Variants in THAP8 observed in about 807,000 individuals in gnomAD.
The protein encoded by THAP8 is THAP domain containing 8, also known as THAP domain-containing protein 8.
A neutral mutation model predicts 25.0 loss-of-function variants in THAP8; 24 were observed. The ratio of observed to expected loss-of-function variants is 0.96; its 90% CI spans 0.69 to 1.35. The LOEUF is 1.35. Ranked by LOEUF, THAP8 falls within the 40% of genes most tolerant of loss-of-function variation. The pLI is 0.00. For synonymous variants in THAP8, 169 were observed against 157.6 expected (o/e 1.07, Z -0.54); for missense variants, 399 against 368.8 (o/e 1.08, Z -0.67).
intron 3 of THAP8, among the ~76,000 whole-genome samples, chr19:36,038,816 A>G (rs1332065699): frequency 6.7e-6 from 1 of 150,062 alleles, no homozygotes; most frequent in Non-Finnish European, 1.5e-5. Flanking sequence ...GCACTACTGC[A>G]CTCCAGCCTG....
chr19:36,050,180 C>T lies in THAP8; in HGVS notation c.83+3955G>A, dbSNP rs114230534. Among the ~76,000 whole-genome samples the T allele has an allele frequency of 6.5e-3, 987 of 152,222 alleles. 6 individuals carry two copies. The highest frequency in any genetic ancestry group is 0.022 in the African/African-American group (922 of 41,514). ...ATTTATTTTGAGACAAGGTCTCACA[C>T]GGTTGCCCAGGCTAGAGTACAGTGG... On this transcript the variant is annotated intron_variant, in intron 1 of 3. Transcript: ENST00000292894.
chr19:36,041,016 G>T (rs1028612848), intron 1 of THAP8, among the ~76,000 whole-genome samples: 1 of 151,956 alleles, frequency 6.6e-6, no homozygotes, highest in Non-Finnish European at 1.5e-5. Context: ...TAAGATAATT[G>T]TAAGAAACTG....
intron 1 of THAP8, among the ~76,000 whole-genome samples, chr19:36,042,719 G>A (rs1416937552): frequency 6.6e-6 from 1 of 152,182 alleles, no homozygotes; most frequent in East Asian, 1.9e-4. Flanking sequence ...ACATGGATAA[G>A]AAAAATGCTG....
At chr19:36,040,285 T>C (rs1432595902) in intron 1 of THAP8, 149 bp from the exon 2 acceptor site, 2 of 744,026 alleles carry the variant, frequency 2.7e-6, no homozygotes, top group East Asian at 5.7e-5. Context: ...GCTTTCTCTA[T>C]CTCATACACA....
At chr19:36,042,618 G>A (rs781017555) in intron 1 of THAP8, among the ~76,000 whole-genome samples, 36 of 152,196 alleles carry the variant, frequency 2.4e-4, no homozygotes, top group Non-Finnish European at 4.9e-4. Context: ...GCAAAAGAGC[G>A]ACATGCTGTC....
intron 1 of THAP8, among the ~76,000 whole-genome samples, chr19:36,052,246 T>C (rs1315468748): frequency 6.6e-6 from 1 of 152,174 alleles, no homozygotes; most frequent in African/African-American, 2.4e-5. Context: ...GGTTTCGCCA[T>C]GTTGGCCAGG....
intron 1 of THAP8, among the ~76,000 whole-genome samples, chr19:36,053,090 G>A (rs1294423006): frequency 2.0e-5 from 3 of 151,486 alleles, no homozygotes; most frequent in Non-Finnish European, 4.4e-5. Flanking sequence ...TTTTTGAGAC[G>A]GAGTCTCACT....
At chr19:36,048,753 C>T (rs926340778) in intron 1 of THAP8, among the ~76,000 whole-genome samples, 4 of 141,884 alleles carry the variant, frequency 2.8e-5, no homozygotes, top group African/African-American at 8.0e-5. Context: ...GAGGTTGAGG[C>T]GGGAGGACTG....
intron 1 of THAP8, among the ~76,000 whole-genome samples, chr19:36,046,470 G>C (rs1969885941): frequency 6.6e-6 from 1 of 152,172 alleles, no homozygotes; most frequent in Non-Finnish European, 1.5e-5. Flanking sequence ...GAGATGGGGA[G>C]AGCCAAGACT....
intron 1 of THAP8, among the ~76,000 whole-genome samples, chr19:36,043,153 C>T (rs1370701559): frequency 6.6e-6 from 1 of 151,992 alleles, no homozygotes; most frequent in Non-Finnish European, 1.5e-5. Context: ...GTGTCAAACT[C>T]CTGACCTCAG....
chr19:36,047,629 C>T (rs1215574021), intron 1 of THAP8, among the ~76,000 whole-genome samples: 2 of 152,148 alleles, frequency 1.3e-5, no homozygotes, highest in African/African-American at 4.8e-5. Context: ...TGAGACTAGC[C>T]TGGCCAACAT....
chr19:36,052,575 T>C (rs974793744), intron 1 of THAP8, among the ~76,000 whole-genome samples: 1 of 152,200 alleles, frequency 6.6e-6, no homozygotes, highest in Non-Finnish European at 1.5e-5. Flanking sequence ...AGTGTTCAGA[T>C]TGCCTCAAAG....
Position 36,039,927 on chromosome 19 carries a change from G to C in THAP8, c.276+17C>G, listed in dbSNP as rs569281152. ...TCTGGGGGTTGGATTCCAGCAGCAG[G>C]ACCTCCCAGCGCTCACCTTGGCAGG... On this transcript the variant is annotated intron_variant, in intron 2 of 3. Coordinates refer to ENST00000292894, the MANE Select transcript of THAP8 (RefSeq NM_152658.3). 6.2e-7 allele frequency: 1 copy of C among 1,611,514 alleles called. No individual in the cohort carries two copies. The highest frequency in any genetic ancestry group is 2.2e-5 in the East Asian group (1 of 44,866).
At chr19:36,035,706 A>G in intron 3 of THAP8, 114 bp from the exon 4 acceptor site, 2 of 1,219,216 alleles carry the variant, frequency 1.6e-6, no homozygotes, top group Non-Finnish European at 2.3e-6. Flanking sequence ...GTGTCAGGAA[A>G]CAGAGAGAGA....
At chr19:36,040,743 G>T (rs747690869) in intron 1 of THAP8, among the ~76,000 whole-genome samples, 47 of 151,944 alleles carry the variant, frequency 3.1e-4, no homozygotes, top group Admixed American at 5.3e-4. Context: ...CCTGCCCACA[G>T]TCCCGCCCCT....
intron 1 of THAP8, among the ~76,000 whole-genome samples, chr19:36,048,345 G>T (rs1969942796): frequency 6.6e-6 from 1 of 150,658 alleles, no homozygotes; most frequent in African/African-American, 2.4e-5. Context: ...TTCCAGCCTG[G>T]GCAACATAGT....
chr19:36,052,105 C>T (rs1294703726), intron 1 of THAP8, among the ~76,000 whole-genome samples: 4 of 151,530 alleles, frequency 2.6e-5, no homozygotes, highest in Admixed American at 6.6e-5. Context: ...AGTGCAGTGG[C>T]GCAATCTCGG....
Position 36,054,118 on chromosome 19 carries a change from C to A in THAP8, c.83+17G>T. The A allele has an allele frequency of 3.1e-6, 5 of 1,610,918 alleles. No homozygotes were observed. Among genetic ancestry groups the A allele is most frequent in the Non-Finnish European group, 4.2e-6 (5 of 1,178,794 alleles). On this transcript the variant is annotated intron_variant, in intron 1 of 3. Coordinates refer to ENST00000292894, the MANE Select transcript of THAP8 (RefSeq NM_152658.3). Reference sequence around the variant, plus strand: ...AGGGTCCCGCCTCCCTCAAGCCCCGCCCCGCGCTGCGCTCACTTGTAGAAG... The same window carrying A: ...AGGGTCCCGCCTCCCTCAAGCCCCGACCCGCGCTGCGCTCACTTGTAGAAG...
intron 3 of THAP8, 39 bp downstream of exon 3, chr19:36,039,284 C>T (rs1969591022): frequency 1.4e-6 from 2 of 1,426,084 alleles, no homozygotes; most frequent in South Asian, 3.0e-5. Flanking sequence ...GCCAGGCCAC[C>T]ACCCATGGAT....
Sources: allele counts gnomAD v4.1 joint callset (sites outside exome capture counted in the v4.1 genomes callset), GRCh38; gene constraint gnomAD v4.1.1; transcripts MANE v1.5; gene names NCBI Gene and HGNC (gene_info 2026-07-23, HGNC 2026-07-21).